Variants in FYB2 observed in about 807,000 individuals in gnomAD.
The protein encoded by FYB2 is FYN-binding protein 2.
Under a neutral mutation model 94.1 loss-of-function variants are expected in FYB2, and 103 were observed. The ratio of observed to expected loss-of-function variants is 1.09; its 90% CI spans 0.93 to 1.29. FYB2 has a LOEUF of 1.29. Ranked by LOEUF, FYB2 falls within the 50% of genes most tolerant of loss-of-function variation. The pLI is 0.00. For missense variants in FYB2, 896 were observed against 841.5 expected (o/e 1.06, Z -0.80); for synonymous variants, 293 against 287.9 (o/e 1.02, Z -0.18).
intron 5 of FYB2, 83 bp downstream of exon 5, chr1:56,767,746 C>G (rs554422663): frequency 1.9e-6 from 2 of 1,067,196 alleles, no homozygotes; most frequent in African/African-American, 3.2e-5. Flanking sequence ...TTTAAACTTA[C>G]AGTTAGCTAA....
intron 4 of FYB2, among the ~76,000 whole-genome samples, chr1:56,783,941 G>T (rs1421681950): frequency 2.0e-5 from 3 of 152,080 alleles, no homozygotes; most frequent in Non-Finnish European, 4.4e-5. Flanking sequence ...GCTAAGCAAG[G>T]TTTATTGAAC....
chr1:56,730,758 G>A (rs1644690052), intron 15 of FYB2, among the ~76,000 whole-genome samples: 1 of 152,012 alleles, frequency 6.6e-6, no homozygotes, highest in African/African-American at 2.4e-5. Flanking sequence ...AAACATTGAA[G>A]CAGAATGAAC....
chr1:56,776,362 AT>A (rs371777346), intron 4 of FYB2, among the ~76,000 whole-genome samples: 60 of 152,288 alleles, frequency 3.9e-4, no homozygotes, highest in African/African-American at 1.1e-3. Flanking sequence ...AAATATTACC[AT>A]TTAACCTATA....
intron 15 of FYB2, among the ~76,000 whole-genome samples, chr1:56,734,576 C>A (rs1644787858): frequency 6.6e-6 from 1 of 152,082 alleles, no homozygotes; most frequent in Non-Finnish European, 1.5e-5. Context: ...GGAAACCAAA[C>A]ACCGCATGTT....
intron 4 of FYB2, among the ~76,000 whole-genome samples, chr1:56,772,085 C>T (rs4141547): frequency 6.6e-6 from 1 of 151,876 alleles, no homozygotes; most frequent in Non-Finnish European, 1.5e-5. Flanking sequence ...GTTCCCCTCC[C>T]CCTTCATAAA....
intron 17 of FYB2, among the ~76,000 whole-genome samples, chr1:56,721,944 G>T (rs532839382): frequency 6.6e-6 from 1 of 152,148 alleles, no homozygotes; most frequent in South Asian, 2.1e-4. Flanking sequence ...AACGTTTTAT[G>T]ATTTGAGCTG....
chr1:56,723,731 T>C (rs750756062), intron 16 of FYB2, 50 bp from the exon 17 acceptor site: 2 of 1,095,702 alleles, frequency 1.8e-6, no homozygotes, highest in Non-Finnish European at 2.7e-6. Context: ...TAAAACTTTT[T>C]AAGTTTCTGA....
intron 4 of FYB2, among the ~76,000 whole-genome samples, chr1:56,774,271 T>C (rs1011323615): frequency 2.6e-5 from 4 of 152,150 alleles, no homozygotes; most frequent in Admixed American, 1.3e-4. Flanking sequence ...GTCTGTGACC[T>C]TGGGTGGGTG....
At chr1:56,764,036 T>C (rs925216213) in intron 5 of FYB2, among the ~76,000 whole-genome samples, 7 of 151,846 alleles carry the variant, frequency 4.6e-5, no homozygotes, top group Non-Finnish European at 1.0e-4. Flanking sequence ...CTGCCACCTC[T>C]GCCTCCTGGG....
At chr1:56,750,095 A>G (rs1222355899) in intron 9 of FYB2, among the ~76,000 whole-genome samples, 1 of 152,030 alleles carries the variant, frequency 6.6e-6, no homozygotes, top group African/African-American at 2.4e-5. Context: ...AAAAAATACC[A>G]AATGGTCTGT....
chr1:56,801,677 G>A (rs992267345), intron 1 of FYB2, among the ~76,000 whole-genome samples: 1 of 152,080 alleles, frequency 6.6e-6, no homozygotes, highest in Non-Finnish European at 1.5e-5. Context: ...CTTTTCTGGT[G>A]CCCCAACTCC....
chr1:56,789,034 G>T lies in FYB2; in HGVS notation c.858C>A (p.Pro286=). 1.2e-6 allele frequency: 2 copies of T among 1,614,112 alleles called. No homozygotes were observed. The highest frequency in any genetic ancestry group is 1.7e-6 in the Non-Finnish European group (2 of 1,179,984). The change falls in exon 3 of 20, where the codon CCC becomes CCA. Residue 286 remains proline (P), a synonymous_variant. Coordinates refer to ENST00000343433, the MANE Select transcript of FYB2 (RefSeq NM_001004303.5). ...GPPPPKPSRP[P]IVNLQAFQRQ... ...TCTGAAAGGCCTGGAGGTTCACGAT[G>T]GGAGGTCTTGAAGGCTTTGGGGGAG...
At chr1:56,793,219 A>G (rs977834067) in intron 1 of FYB2, among the ~76,000 whole-genome samples, 5 of 152,164 alleles carry the variant, frequency 3.3e-5, no homozygotes, top group African/African-American at 1.2e-4. Flanking sequence ...AAGGTGGTGG[A>G]ATTATGATCT....
rs1424066263 is a variant in FYB2, at chr1:56,725,424, A to C, written c.1880+1073T>G. Among the ~76,000 whole-genome samples, 4 of 152,108 alleles carry C rather than the reference A, an allele frequency of 2.6e-5. No individual in the cohort carries two copies. The East Asian group carries it at 7.7e-4, about 29-fold the overall frequency. On this transcript the variant is annotated intron_variant, in intron 16 of 19. Transcript: ENST00000343433. ...TTTTCTAATTTACTTGGTTCAGAAT[A>C]AAATTATACTGTTATATCACTCTGT...
At chr1:56,754,730 C>T (rs1645283831) in intron 7 of FYB2, among the ~76,000 whole-genome samples, 1 of 152,096 alleles carries the variant, frequency 6.6e-6, no homozygotes, top group Non-Finnish European at 1.5e-5. Flanking sequence ...ACCCCTCACT[C>T]CCAACTACTC....
At chr1:56,825,366 G>A in the FYB2 span, among the ~76,000 whole-genome samples, 3 of 152,116 alleles carry the variant, frequency 2.0e-5, no homozygotes, top group Admixed American at 6.5e-5. Context: ...ACAGAACCTG[G>A]AAGCTCCACG....
intron 9 of FYB2, among the ~76,000 whole-genome samples, chr1:56,749,107 C>A (rs1293918845): frequency 6.7e-6 from 1 of 148,800 alleles, no homozygotes; most frequent in Non-Finnish European, 1.5e-5. Context: ...TTTTTAAGGT[C>A]TTTTAAGATA....
intron 11 of FYB2, among the ~76,000 whole-genome samples, chr1:56,743,799 C>A (rs1348050650): frequency 6.6e-6 from 1 of 152,006 alleles, no homozygotes; most frequent in East Asian, 1.9e-4. Flanking sequence ...CTCACTTTTA[C>A]CATAAGAATG....
intron 7 of FYB2, among the ~76,000 whole-genome samples, chr1:56,754,433 C>G (rs2100713389): frequency 6.6e-6 from 1 of 152,134 alleles, no homozygotes; most frequent in South Asian, 2.1e-4. Flanking sequence ...CCTGATTCTC[C>G]CAAGCAGTCA....
Sources: allele counts gnomAD v4.1 joint callset (sites outside exome capture counted in the v4.1 genomes callset), GRCh38; gene constraint gnomAD v4.1.1; transcripts MANE v1.5; gene names NCBI Gene and HGNC (gene_info 2026-07-23, HGNC 2026-07-21).